TBC1D16: variants seen among roughly 807,000 people sequenced by gnomAD.
The protein encoded by TBC1D16 is CTD-2529O21.1.
In TBC1D16, 58 loss-of-function variants were observed where a neutral mutation model predicts 74.7. The ratio of observed to expected loss-of-function variants is 0.78; its 90% CI spans 0.63 to 0.97. TBC1D16 has a LOEUF of 0.97. Ranked by LOEUF, TBC1D16 falls within the 50% of genes least tolerant of loss-of-function variation. The pLI is 0.00. For missense variants in TBC1D16, 1,014 were observed against 1,079.5 expected (o/e 0.94, Z 0.85); for synonymous variants, 493 against 474.7 (o/e 1.04, Z -0.50).
At position 79,981,440 on chromosome 17, in the gene TBC1D16, A is replaced by C. The variant is rs974015724; in HGVS notation, c.780-28622T>G. On this transcript the variant is annotated intron_variant, in intron 3 of 11. Coordinates refer to ENST00000310924, the MANE Select transcript of TBC1D16 (RefSeq NM_019020.4). This position sits in a 1 kb window ranked among gnomAD's most constrained non-coding sequence, Gnocchi z 6.9. Reference sequence around the variant, plus strand: ...CTAATACCTCCTCAGAGCTTTCCGGAGAGAAGGGAGGAAGCCAGGGAAGCT... The same window carrying C: ...CTAATACCTCCTCAGAGCTTTCCGGCGAGAAGGGAGGAAGCCAGGGAAGCT... Among the ~76,000 whole-genome samples the C allele has an allele frequency of 2.6e-5, 4 of 152,174 alleles. No individual in the cohort carries two copies. Among genetic ancestry groups the C allele is most frequent in the African/African-American group, 4.8e-5 (2 of 41,444 alleles).
At chr17:80,006,431 C>T (rs944483746) in intron 3 of TBC1D16, among the ~76,000 whole-genome samples, 15 of 152,084 alleles carry the variant, frequency 9.9e-5, no homozygotes, top group Admixed American at 5.9e-4. Flanking sequence ...GCTGGGGACG[C>T]CTGCTCTACA....
rs531166585 is a variant in TBC1D16 at position 79,975,663 on chromosome 17, T to C, written c.780-22845A>G. The stretch of plus-strand genomic sequence containing the variant: ...CCACCCTGAAGTGAAAAGACAAATA[T>C]CATTTTTCCTCCAGTTTGCAACCAA... On this transcript the variant is annotated intron_variant, in intron 3 of 11. Coordinates refer to ENST00000310924, the MANE Select transcript of TBC1D16 (RefSeq NM_019020.4). This position sits in a 1 kb window ranked among gnomAD's most constrained non-coding sequence, Gnocchi z 4.5. 1.3e-5 allele frequency among the ~76,000 whole-genome samples: 2 copies of C among 152,134 alleles called. No individual in the cohort carries two copies. Among genetic ancestry groups the C allele is most frequent in the Non-Finnish European group, 2.9e-5 (2 of 68,004 alleles).
In TBC1D16 at chr17:79,950,003, G is replaced by C. The variant is rs2032914737; in HGVS notation, c.1258-138C>G. ...CTGCAATTTGCACATATTTACAAGG[G>C]GAAAGCAGTGGCCTTCAATTCCCAT... On this transcript the variant is annotated intron_variant, in intron 6 of 11. Coordinates refer to ENST00000310924, the MANE Select transcript of TBC1D16 (RefSeq NM_019020.4). This position sits in a 1 kb window ranked among gnomAD's most constrained non-coding sequence, Gnocchi z 4.6. The C allele has an allele frequency of 1.8e-6, 2 of 1,106,472 alleles. No homozygotes were observed. Among genetic ancestry groups the C allele is most frequent in the Non-Finnish European group, 2.5e-6 (2 of 787,738 alleles). 68.5% of individuals were successfully genotyped at this position (1,106,472 alleles called of 1,614,324 possible). A position where few individuals can be genotyped will look rare whatever the true frequency, so the allele number is the denominator to read the frequency against.
intron 1 of TBC1D16, among the ~76,000 whole-genome samples, chr17:80,023,304 C>T (rs566904806): frequency 1.3e-5 from 2 of 150,010 alleles, no homozygotes; most frequent in Admixed American, 6.6e-5. Flanking sequence ...GGCAGGCGGC[C>T]CTCCAGGGGT....
At position 79,944,034 on chromosome 17, in the gene TBC1D16, T is replaced by C; in HGVS notation, c.1908+874A>G. ...TAGACCCGGGCCAGGGGCGAGCCGATGACCGCATGCAAAGGCGGCGTGTGG... is the reference window on the plus strand; with the variant it reads ...TAGACCCGGGCCAGGGGCGAGCCGACGACCGCATGCAAAGGCGGCGTGTGG... On this transcript the variant is annotated intron_variant, in intron 10 of 11. Transcript: ENST00000310924. This position sits in a 1 kb window ranked among gnomAD's most constrained non-coding sequence, Gnocchi z 7.7. The C allele has an allele frequency of 6.5e-7, 1 of 1,535,778 alleles. No individual in the cohort carries two copies. Among genetic ancestry groups the C allele is most frequent in the Admixed American group, 2.0e-5 (1 of 50,998 alleles).
rs1025158998 is a variant in TBC1D16 at position 80,007,787 on chromosome 17, C to A, written c.779+2373G>T. ...CCACAAGATCTAGAGGCAGAGAGGA[C>A]GACGAACTTGGAGGTGTGCACAGTG... On this transcript the variant is annotated intron_variant, in intron 3 of 11. Coordinates refer to ENST00000310924, the MANE Select transcript of TBC1D16 (RefSeq NM_019020.4). This position sits in a 1 kb window ranked among gnomAD's most constrained non-coding sequence, Gnocchi z 4.5. Among the ~76,000 whole-genome samples the A allele has an allele frequency of 6.6e-6, 1 of 152,028 alleles. No homozygotes were observed. The highest frequency in any genetic ancestry group is 1.5e-5 in the Non-Finnish European group (1 of 68,008).
intron 3 of TBC1D16, among the ~76,000 whole-genome samples, chr17:79,984,196 A>T (rs1183439009): frequency 6.6e-6 from 1 of 152,116 alleles, no homozygotes; most frequent in Admixed American, 6.6e-5. Context: ...CAATTTTTCA[A>T]TACTTTTTTG....
chr17:80,003,232 G>A (rs2035557169), intron 3 of TBC1D16, among the ~76,000 whole-genome samples: 1 of 152,226 alleles, frequency 6.6e-6, no homozygotes, highest in African/African-American at 2.4e-5. Context: ...TGACCTGGCA[G>A]GAACTGCATG....
rs765846083 is a variant in TBC1D16 at position 79,942,131 on chromosome 17, C to T, written c.1984G>A (p.Ala662Thr). 9 of 1,611,330 alleles carry T rather than the reference C, an allele frequency of 5.6e-6. No homozygotes were observed. ...AAGTGCAGGAGCATCTGGTCCGTGG[C>T]CAGCTGCTGCTCGATGACGTCATCC... ...YGDDVIEQQL[A>T]TDQMLLHFGN... The change falls in exon 11 of 12, where the codon GCC (alanine) becomes ACC (threonine). Residue 662 changes from alanine (A) to threonine (T), a missense_variant. Physicochemically the swap from Ala to Thr is moderately conservative, Grantham distance 58. Coordinates refer to ENST00000310924, the MANE Select transcript of TBC1D16 (RefSeq NM_019020.4).
rs569257832 is a variant in TBC1D16, at chr17:79,980,291, A to G, written c.780-27473T>C. ...TTCATGAACTCTTTTTCAGGCTTGC[A>G]GCCCAAATTCCCCTTCTCTCTTGGC... On this transcript the variant is annotated intron_variant, in intron 3 of 11. Transcript: ENST00000310924. The surrounding 1 kb of genome is among the most constrained non-coding windows in gnomAD (Gnocchi z 7.0). Among the ~76,000 whole-genome samples the G allele has an allele frequency of 1.1e-4, 16 of 152,332 alleles. No homozygotes were observed. Among genetic ancestry groups the G allele is most frequent in the South Asian group, 2.1e-4 (1 of 4,828 alleles).
chr17:79,976,789 T>C (rs1395120321), intron 3 of TBC1D16, among the ~76,000 whole-genome samples: 2 of 152,192 alleles, frequency 1.3e-5, no homozygotes, highest in East Asian at 3.9e-4. Context: ...CCTCTTCCGT[T>C]GACAGTGCCT....
At chr17:79,976,326 G>T (rs1389766421) in intron 3 of TBC1D16, among the ~76,000 whole-genome samples, 1 of 152,200 alleles carries the variant, frequency 6.6e-6, no homozygotes, top group Non-Finnish European at 1.5e-5. Flanking sequence ...CCTCTGTTAT[G>T]TTTTAACCAT....
In TBC1D16 at chr17:79,941,480, C is replaced by G. The variant is rs566699273; in HGVS notation, c.2056-373G>C. Among the ~76,000 whole-genome samples the G allele has an allele frequency of 1.1e-3, 163 of 152,214 alleles. No individual in the cohort carries two copies. Among genetic ancestry groups the G allele is most frequent in the African/African-American group, 3.7e-3 (153 of 41,524 alleles). On this transcript the variant is annotated intron_variant, in intron 11 of 11. Coordinates refer to ENST00000310924, the MANE Select transcript of TBC1D16 (RefSeq NM_019020.4). This position sits in a 1 kb window ranked among gnomAD's most constrained non-coding sequence, Gnocchi z 4.3. ...AGCACCCCTCTCTTCTTCCCCCGCA[C>G]CTTGCTCCACCCCCCACCCCCAGCA...
At chr17:80,025,025 AG>A (rs1164584388) in intron 1 of TBC1D16, among the ~76,000 whole-genome samples, 6 of 65,856 alleles carry the variant, frequency 9.1e-5, no homozygotes, top group African/African-American at 1.6e-4. Context: ...CACACACCAC[AG>A]ATGCACACAT....
chr17:79,969,113 G>A (rs191072414), intron 3 of TBC1D16, among the ~76,000 whole-genome samples: 3 of 151,970 alleles, frequency 2.0e-5, no homozygotes, highest in South Asian at 2.1e-4. Flanking sequence ...AAGGCCGAGC[G>A]TGGTGGCTCA....
rs1445631298 is a variant in TBC1D16 at position 79,956,167 on chromosome 17, C to T, written c.780-3349G>A. 6.6e-6 allele frequency among the ~76,000 whole-genome samples: 1 copy of T among 152,228 alleles called. No individual in the cohort carries two copies. On this transcript the variant is annotated intron_variant, in intron 3 of 11. Transcript: ENST00000310924. This position sits in a 1 kb window ranked among gnomAD's most constrained non-coding sequence, Gnocchi z 4.0. ...CAAGCCTCCTGGTGGCTGCAGCGACCTGAGTGAACTCCAGGGAGCCCAGCG... is the reference window on the plus strand; with the variant it reads ...CAAGCCTCCTGGTGGCTGCAGCGACTTGAGTGAACTCCAGGGAGCCCAGCG...
At position 79,971,688 on chromosome 17, in the gene TBC1D16, G is replaced by A. The variant is rs1203980121; in HGVS notation, c.780-18870C>T. Among the ~76,000 whole-genome samples, 3 of 152,188 alleles carry A rather than the reference G, an allele frequency of 2.0e-5. No individual in the cohort carries two copies. The highest frequency in any genetic ancestry group is 7.2e-5 in the African/African-American group (3 of 41,428). On this transcript the variant is annotated intron_variant, in intron 3 of 11. Transcript: ENST00000310924. The surrounding 1 kb of genome is among the most constrained non-coding windows in gnomAD (Gnocchi z 4.6). ...CTCTACAACAGTCAACTTCTCTCAA[G>A]GAAGACCTGAGGAAGCTGGTGCCCG...
At chr17:80,006,210 CTCTTTCTCTCTT>C (rs1165879750) in intron 3 of TBC1D16, among the ~76,000 whole-genome samples, 1 of 150,082 alleles carries the variant, frequency 6.7e-6, no homozygotes, top group Non-Finnish European at 1.5e-5. Context: ...CTCTCTCGCT[CTCTTTCTCTCTT>C]TCTTTCTCTC....
chr17:79,942,613 C>T (rs943746266), intron 10 of TBC1D16, among the ~76,000 whole-genome samples: 4 of 152,248 alleles, frequency 2.6e-5, no homozygotes, highest in Non-Finnish European at 4.4e-5. Flanking sequence ...TCCTGAGCAA[C>T]GGTGTGTGCG....
Sources: gnomAD v4.1 joint callset for allele counts (sites outside exome capture counted in the v4.1 genomes callset) on GRCh38, gnomAD v4.1.1 for gene constraint, Gnocchi (gnomAD v3.1) non-coding constraint, MANE v1.5 for transcripts, NCBI Gene and HGNC (gene_info 2026-07-23, HGNC 2026-07-21) for gene names.